The following RNF217 variants were observed in gnomAD, a reference collection of about 807,000 sequenced individuals.
RNF217 encodes the protein ring finger protein 217.
A neutral mutation model predicts 57.8 loss-of-function variants in RNF217; 31 were observed. The observed-to-expected ratio is 0.54, with a 90% confidence interval of 0.40 to 0.72. The LOEUF is 0.72. Among genes scored for constraint, RNF217 ranks in the 30% least tolerant of loss-of-function variants. RNF217 has a pLI of 0.00. For missense variants in RNF217, 696 were observed against 708.3 expected, an observed-to-expected ratio of 0.98 and a Z score of 0.20; for synonymous variants, 313 against 294.0, an observed-to-expected ratio of 1.06 and a Z score of -0.66.
chr6:125,047,674 G>A (rs1437811128), intron 2 of RNF217, among the ~76,000 whole-genome samples: 1 of 150,950 alleles, frequency 6.6e-6, no homozygotes, highest in Non-Finnish European at 1.5e-5. Flanking sequence ...TGTTGATTAT[G>A]AAGCAGTTAA....
At chr6:124,988,053 C>T (rs550601805) in intron 1 of RNF217, among the ~76,000 whole-genome samples, 1 of 152,292 alleles carries the variant, frequency 6.6e-6, no homozygotes, top group Admixed American at 6.5e-5. Context: ...AGCATTACCA[C>T]CTGAGCTCCG....
At chr6:125,077,907 G>A (rs531005726) in intron 4 of RNF217, among the ~76,000 whole-genome samples, 2 of 152,196 alleles carry the variant, frequency 1.3e-5, no homozygotes, top group African/African-American at 4.8e-5. Context: ...TATGATACCT[G>A]ATCAGAACAA....
intron 1 of RNF217, among the ~76,000 whole-genome samples, chr6:124,974,916 T>C (rs1015484457): frequency 6.6e-6 from 1 of 152,202 alleles, no homozygotes; most frequent in African/African-American, 2.4e-5. Flanking sequence ...GTTAGAGATC[T>C]GTATTCCCTG....
At chr6:125,050,184 G>T (rs548865) in intron 2 of RNF217, among the ~76,000 whole-genome samples, 35,847 of 151,570 alleles carry the variant, frequency 0.24, 8,980 homozygotes, top group African/African-American at 0.64. Context: ...AGTGCAGACT[G>T]AATAAATGAT....
chr6:124,970,340 G>A (rs1045586322), intron 1 of RNF217, among the ~76,000 whole-genome samples: 6 of 152,166 alleles, frequency 3.9e-5, no homozygotes, highest in Non-Finnish European at 7.4e-5. Flanking sequence ...ACAGGCGAAC[G>A]CAGTTTGAAC....
intron 1 of RNF217, among the ~76,000 whole-genome samples, chr6:125,022,831 CTT>C (rs1176172873): frequency 6.6e-6 from 1 of 152,084 alleles, no homozygotes; most frequent in Non-Finnish European, 1.5e-5. Flanking sequence ...TGGTGCTCTC[CTT>C]TGTCACCTAT....
chr6:124,998,508 C>A (rs1784835617), intron 1 of RNF217, among the ~76,000 whole-genome samples: 1 of 152,160 alleles, frequency 6.6e-6, no homozygotes, highest in Non-Finnish European at 1.5e-5. Context: ...CATTTAAAAA[C>A]TGTGTAGAAG....
chr6:125,024,215 T>C (rs1332247271), intron 1 of RNF217, among the ~76,000 whole-genome samples: 10 of 152,022 alleles, frequency 6.6e-5, no homozygotes, highest in African/African-American at 2.2e-4. Flanking sequence ...TTGTTGATGG[T>C]TGAGGGAGAG....
At chr6:125,014,095 A>T (rs1388782104) in intron 1 of RNF217, among the ~76,000 whole-genome samples, 1 of 152,164 alleles carries the variant, frequency 6.6e-6, no homozygotes, top group Non-Finnish European at 1.5e-5. Context: ...CATACAGAGG[A>T]TGCTGTTTGC....
chr6:125,073,691 C>T (rs373450431), intron 3 of RNF217, among the ~76,000 whole-genome samples: 3 of 152,110 alleles, frequency 2.0e-5, no homozygotes, highest in Admixed American at 1.3e-4. Context: ...ACTCTCTAGT[C>T]CAGCATCAGC....
At chr6:125,013,333 T>G (rs569754339) in intron 1 of RNF217, among the ~76,000 whole-genome samples, 7 of 142,672 alleles carry the variant, frequency 4.9e-5, no homozygotes, top group Admixed American at 2.2e-4. Flanking sequence ...GAAAGGTAGG[T>G]GCTTGCATGT....
intron 1 of RNF217, among the ~76,000 whole-genome samples, chr6:125,021,748 A>G (rs28360578): frequency 0.13 from 20,038 of 152,184 alleles, 1,778 homozygotes; most frequent in Non-Finnish European, 0.2. Flanking sequence ...TTATAAAGTC[A>G]TTTATCAGCT....
At chr6:124,995,926 A>C (rs533746025) in intron 1 of RNF217, among the ~76,000 whole-genome samples, 1 of 152,162 alleles carries the variant, frequency 6.6e-6, no homozygotes, top group South Asian at 2.1e-4. Context: ...TGTCTCAAAA[A>C]AGAAAAAGAA....
chr6:124,968,994 C>T (rs2114984316), intron 1 of RNF217, among the ~76,000 whole-genome samples: 1 of 152,232 alleles, frequency 6.6e-6, no homozygotes. Flanking sequence ...CATCTTATAG[C>T]CTTGTTGGCA....
At chr6:125,053,557 G>T (rs1482627407) in intron 2 of RNF217, among the ~76,000 whole-genome samples, 5 of 152,106 alleles carry the variant, frequency 3.3e-5, no homozygotes, top group Admixed American at 1.3e-4. Context: ...GTGTATAGGG[G>T]TATCTAGAAT....
At chr6:125,037,089 A>AT (rs1455838565) in intron 1 of RNF217, among the ~76,000 whole-genome samples, 3 of 150,532 alleles carry the variant, frequency 2.0e-5, no homozygotes, top group Admixed American at 6.6e-5. Flanking sequence ...AAAAAAAAAA[A>AT]AGTCCTGCCC....
At chr6:125,024,167 A>T (rs535753149) in intron 1 of RNF217, among the ~76,000 whole-genome samples, 1 of 152,320 alleles carries the variant, frequency 6.6e-6, no homozygotes, top group African/African-American at 2.4e-5. Flanking sequence ...AGATCAAAAG[A>T]TGTAAATGAT....
intron 1 of RNF217, among the ~76,000 whole-genome samples, chr6:124,978,490 C>G (rs1784046646): frequency 6.6e-6 from 1 of 151,428 alleles, no homozygotes; most frequent in South Asian, 2.1e-4. Flanking sequence ...AGTCGTGGAG[C>G]CCCAAGGGGG....
chr6:125,021,937 A>C (rs1284312213), intron 1 of RNF217, among the ~76,000 whole-genome samples: 1 of 151,986 alleles, frequency 6.6e-6, no homozygotes, highest in Non-Finnish European at 1.5e-5. Context: ...GCTGGAGTGC[A>C]CTGGCATGAT....
Sources: gnomAD v4.1 joint callset for allele counts (sites outside exome capture counted in the v4.1 genomes callset) on GRCh38, gnomAD v4.1.1 for gene constraint, MANE v1.5 for transcripts, NCBI Gene and HGNC (gene_info 2026-07-23, HGNC 2026-07-21) for gene names.